Variants in TOP2B observed in about 807,000 individuals in gnomAD.
TOP2B encodes the protein DNA topoisomerase 2-beta.
Under a neutral mutation model 193.5 loss-of-function variants are expected in TOP2B, and 51 were observed. That is an observed-to-expected ratio of 0.26 (90% CI 0.21 to 0.33). The LOEUF is 0.33. Among genes scored for constraint, TOP2B ranks in the 10% least tolerant of loss-of-function variants. TOP2B has a pLI of 1.00. For synonymous variants in TOP2B, 634 were observed against 635.7 expected (o/e 1.00, Z 0.04); for missense variants, 1,378 against 1,909.3 (o/e 0.72, Z 5.19).
chr3:25,637,575 G>GT (rs1422950835), intron 5 of TOP2B, among the ~76,000 whole-genome samples: 2 of 151,918 alleles, frequency 1.3e-5, no homozygotes, highest in Non-Finnish European at 2.9e-5. Context: ...ATTAAGCTTT[G>GT]TATCTTTCAC....
chr3:25,633,749 T>C (rs752924559), intron 8 of TOP2B, 92 bp downstream of exon 8: 11 of 1,180,736 alleles, frequency 9.3e-6, no homozygotes, highest in Non-Finnish European at 1.3e-5. Flanking sequence ...ATTTGGGTTT[T>C]TTGGGGGTTG....
intron 1 of TOP2B, among the ~76,000 whole-genome samples, chr3:25,656,193 T>C (rs538423511): frequency 1.6e-4 from 25 of 152,314 alleles, no homozygotes; most frequent in African/African-American, 5.5e-4. Context: ...AAGAAAAAGA[T>C]ATACCATTCT....
chr3:25,620,811 T>G lies in TOP2B; in HGVS notation c.2733A>C (p.Pro911=). 1 of 1,613,258 alleles carries G rather than the reference T, an allele frequency of 6.2e-7. No homozygotes were observed. The highest frequency in any genetic ancestry group is 1.7e-5 in the Admixed American group (1 of 59,942). ...LDGLDPHPML[P]NYKNFKGTIQ... ...TCGTGCCTTTAAAGTTTTTGTAGTT[T>G]GGAAGCTGTAGAGAAAAAGGTAAAT... is the stretch of plus-strand genomic sequence containing the variant. Residue 911 remains proline, a synonymous_variant, in exon 22 of 36, where the codon CCA becomes CCC. Transcript: ENST00000264331.
At position 25,658,449 on chromosome 3, in the gene TOP2B, T is replaced by C. The variant is rs528002838; in HGVS notation, c.69+5780A>G. 7.2e-5 allele frequency among the ~76,000 whole-genome samples: 11 copies of C among 152,114 alleles called. No individual in the cohort carries two copies. In the South Asian group the frequency reaches 2.3e-3, roughly 32 times the overall value. On this transcript the variant is annotated intron_variant, in intron 1 of 35. Coordinates refer to ENST00000264331, the MANE Select transcript of TOP2B (RefSeq NM_001330700.2). ...AATCAAGGCTACATTTTCATTATCA[T>C]GAAGACAATAAAAGTGTAAAATAAT...
intron 21 of TOP2B, among the ~76,000 whole-genome samples, chr3:25,621,722 C>T (rs1472504293): frequency 6.6e-6 from 1 of 152,096 alleles, no homozygotes; most frequent in Non-Finnish European, 1.5e-5. Flanking sequence ...GGCACAGTGG[C>T]TCATGCCTGT....
At chr3:25,613,416 A>T (rs1366588387) in intron 27 of TOP2B, among the ~76,000 whole-genome samples, 1 of 152,148 alleles carries the variant, frequency 6.6e-6, no homozygotes, top group Non-Finnish European at 1.5e-5. Context: ...CTGCACTTCC[A>T]CTTACTAGTT....
chr3:25,630,660 T>C, intron 11 of TOP2B, 141 bp downstream of exon 11: 1 of 885,726 alleles, frequency 1.1e-6, no homozygotes, highest in Non-Finnish European at 1.6e-6. Flanking sequence ...TAATATGTTG[T>C]GTATGTGATA....
intron 15 of TOP2B, among the ~76,000 whole-genome samples, chr3:25,628,369 C>G (rs9829148): frequency 0.37 from 36,402 of 97,120 alleles, 5,814 homozygotes; most frequent in African/African-American, 0.63. Context: ...CAGCTACTTG[C>G]GGGGGCTGAG....
Position 25,599,390 on chromosome 3 carries a change from T to C in TOP2B, c.4710+45A>G, listed in dbSNP as rs1381498170. On this transcript the variant is annotated intron_variant, in intron 35 of 35. Transcript: ENST00000264331. ...GCAAACTAAGTCACTTACAGATCTT[T>C]TTTTAAAAAGCCATGCACTAATATG... 5.1e-6 allele frequency: 8 copies of C among 1,578,804 alleles called. No homozygotes were observed. The East Asian group carries it at 1.8e-4, about 36-fold the overall frequency.
chr3:25,619,423 G>A (rs370630281), intron 23 of TOP2B, among the ~76,000 whole-genome samples: 28 of 152,114 alleles, frequency 1.8e-4, no homozygotes, highest in African/African-American at 6.3e-4. Flanking sequence ...AGCTAATTTG[G>A]AATGGAACTT....
intron 33 of TOP2B, among the ~76,000 whole-genome samples, chr3:25,603,148 GTA>G (rs1702149364): frequency 6.6e-6 from 1 of 152,116 alleles, no homozygotes; most frequent in African/African-American, 2.4e-5. Flanking sequence ...AGGAAACGGG[GTA>G]TGTTTCAGGA....
intron 6 of TOP2B, among the ~76,000 whole-genome samples, chr3:25,636,824 A>C (rs1366068333): frequency 1.3e-5 from 2 of 152,044 alleles, no homozygotes; most frequent in Non-Finnish European, 2.9e-5. Flanking sequence ...GCTTATATAA[A>C]ATTTCAAATC....
intron 1 of TOP2B, among the ~76,000 whole-genome samples, chr3:25,645,906 C>T (rs112567454): frequency 1.9e-4 from 29 of 151,484 alleles, no homozygotes; most frequent in Middle Eastern, 3.5e-3. Flanking sequence ...ACTACAGGTG[C>T]GCACCACTAT....
At chr3:25,657,787 C>G (rs144289890) in intron 1 of TOP2B, among the ~76,000 whole-genome samples, 2,018 of 152,212 alleles carry the variant, frequency 0.013, 49 homozygotes, top group African/African-American at 0.044. Context: ...ACCGGCTGGG[C>G]GCGGTGGCTG....
At position 25,664,749 on chromosome 3, in the gene TOP2B, G is replaced by A. The variant is rs959312620; in HGVS notation, c.-452C>T. 1.0e-6 allele frequency: 1 copy of A among 988,384 alleles called. No individual in the cohort carries two copies. The highest frequency in any genetic ancestry group is 1.2e-6 in the Non-Finnish European group (1 of 830,786). The allele number at this position is 988,384 out of a possible 1,614,324, so 61.2% of individuals were successfully genotyped here. On this transcript the variant is annotated 5_prime_UTR_variant, in exon 1 of 36. Coordinates refer to ENST00000264331, the MANE Select transcript of TOP2B (RefSeq NM_001330700.2). ...CGAAGGCCAGCCACTCGAGTCGCCA[G>A]AGTAGTCGTCCCGGTCGCCGCCGCT...
intron 3 of TOP2B, among the ~76,000 whole-genome samples, 157 bp downstream of exon 3, chr3:25,643,537 T>C (rs1170614822): frequency 1.3e-5 from 2 of 152,172 alleles, no homozygotes; most frequent in Non-Finnish European, 2.9e-5. Flanking sequence ...ACATTACAGA[T>C]CATGGTATAA....
At chr3:25,618,875 G>C (rs779419475) in intron 23 of TOP2B, 26 bp from the exon 24 acceptor site, 2 of 1,520,146 alleles carry the variant, frequency 1.3e-6, no homozygotes, top group East Asian at 2.3e-5. Context: ...ATACTTTGCA[G>C]ATCATATAGA....
chr3:25,628,079 C>A (rs533671778), intron 15 of TOP2B, among the ~76,000 whole-genome samples: 11 of 125,058 alleles, frequency 8.8e-5, no homozygotes, highest in African/African-American at 2.7e-4. Context: ...TAAAAAAAAA[C>A]GAAATAAAAA....
chr3:25,606,606 G>A (rs1448131782), intron 31 of TOP2B, among the ~76,000 whole-genome samples: 2 of 152,020 alleles, frequency 1.3e-5, no homozygotes. Flanking sequence ...TTCAGGATCT[G>A]GTGAAGGCCA....
Sources: allele counts gnomAD v4.1 joint callset (sites outside exome capture counted in the v4.1 genomes callset), GRCh38; gene constraint gnomAD v4.1.1; transcripts MANE v1.5; gene names NCBI Gene and HGNC (gene_info 2026-07-23, HGNC 2026-07-21).